ANKS1B: variants seen among roughly 807,000 people sequenced by gnomAD.
The protein encoded by ANKS1B is ankyrin repeat and sterile alpha motif domain containing 1B.
In ANKS1B, 36 loss-of-function variants were observed where a neutral mutation model predicts 148.3. The observed-to-expected ratio is 0.24, with a 90% CI of 0.19 to 0.32. The LOEUF (loss-of-function observed/expected upper bound fraction) is 0.32. Among genes scored for constraint, ANKS1B ranks in the 10% least tolerant of loss-of-function variants. The pLI is 1.00. For synonymous variants in ANKS1B, 542 were observed against 560.8 expected (o/e 0.97, Z 0.47); for missense variants, 1,157 against 1,542.6 (o/e 0.75, Z 4.19).
chr12:99,937,191 G>A (rs537539447), intron 1 of ANKS1B, among the ~76,000 whole-genome samples: 1 of 152,260 alleles, frequency 6.6e-6, no homozygotes, highest in African/African-American at 2.4e-5. Context: ...AGTGTTGATG[G>A]TGTATTCTTG....
chr12:99,596,442 A>G (rs1369277555), intron 9 of ANKS1B, among the ~76,000 whole-genome samples: 1 of 151,778 alleles, frequency 6.6e-6, no homozygotes, highest in Non-Finnish European at 1.5e-5. Flanking sequence ...TGGATTTAGA[A>G]CCCATCCTAC....
chr12:99,582,507 C>T (rs2097580555), intron 9 of ANKS1B, among the ~76,000 whole-genome samples: 1 of 152,092 alleles, frequency 6.6e-6, no homozygotes, highest in African/African-American at 2.4e-5. Context: ...TAATGCTACT[C>T]AGCAATGAAA....
At chr12:99,719,426 T>C (rs961977964) in intron 8 of ANKS1B, among the ~76,000 whole-genome samples, 4 of 151,982 alleles carry the variant, frequency 2.6e-5, no homozygotes, top group East Asian at 1.9e-4. Context: ...TGACATTCAC[T>C]CCATTTTCCC....
chr12:98,868,401 C>T (rs563857390), intron 17 of ANKS1B, among the ~76,000 whole-genome samples: 42 of 152,232 alleles, frequency 2.8e-4, no homozygotes, highest in African/African-American at 9.6e-4. Context: ...TGCAGAGACA[C>T]GGTTTCAAAA....
At chr12:99,913,044 T>G (rs971002872) in intron 1 of ANKS1B, among the ~76,000 whole-genome samples, 1 of 152,210 alleles carries the variant, frequency 6.6e-6, no homozygotes, top group Non-Finnish European at 1.5e-5. Flanking sequence ...TGCCAGCTAT[T>G]ATTCACGAGC....
chr12:99,064,473 G>A (rs1276521875), intron 16 of ANKS1B, among the ~76,000 whole-genome samples: 1 of 152,164 alleles, frequency 6.6e-6, no homozygotes, highest in Non-Finnish European at 1.5e-5. Flanking sequence ...TCAGGGATAG[G>A]GGCACGCCCT....
intron 14 of ANKS1B, among the ~76,000 whole-genome samples, chr12:99,218,775 G>A (rs898436570): frequency 2.0e-5 from 3 of 152,122 alleles, no homozygotes; most frequent in Non-Finnish European, 4.4e-5. Context: ...AGGATTACAT[G>A]AACTAATAGT....
In ANKS1B at chr12:99,772,839, C is replaced by T. The variant is rs2063327664; in HGVS notation, c.1128+83G>A. 17 of 1,316,934 alleles carry T rather than the reference C, an allele frequency of 1.3e-5. No homozygotes were observed. The South Asian group carries it at 2.8e-4, about 22-fold the overall frequency. 81.6% of individuals were successfully genotyped at this position (1,316,934 alleles called of 1,614,324 possible). On this transcript the variant is annotated intron_variant, in intron 8 of 26. Transcript: ENST00000683438. ...CTTAGAGTGGCGGAATCTGATAATG[C>T]ACCACATCCCATACCTCTTAAGTGT...
intron 12 of ANKS1B, among the ~76,000 whole-genome samples, chr12:99,312,543 C>T (rs1021942538): frequency 6.6e-6 from 1 of 152,036 alleles, no homozygotes; most frequent in Non-Finnish European, 1.5e-5. Context: ...ACGACATAGA[C>T]CAAGTATATA....
At chr12:99,441,420 A>T (rs2095548064) in intron 11 of ANKS1B, among the ~76,000 whole-genome samples, 1 of 151,860 alleles carries the variant, frequency 6.6e-6, no homozygotes, top group Non-Finnish European at 1.5e-5. Flanking sequence ...AAGTATTTCC[A>T]TGTGAATATA....
chr12:99,930,389 A>G (rs1423058519), intron 1 of ANKS1B, among the ~76,000 whole-genome samples: 1 of 152,162 alleles, frequency 6.6e-6, no homozygotes, highest in Non-Finnish European at 1.5e-5. Flanking sequence ...CAGCTTGAGG[A>G]GATTTTGGGC....
At position 99,416,031 on chromosome 12, in the gene ANKS1B, A is replaced by G. The variant is rs567979800; in HGVS notation, c.1576-16220T>C. Among the ~76,000 whole-genome samples the G allele has an allele frequency of 3.9e-5, 6 of 152,016 alleles. No homozygotes were observed. In the East Asian group the frequency reaches 1.2e-3, roughly 29 times the overall value. On this transcript the variant is annotated intron_variant, in intron 11 of 26. Coordinates refer to ENST00000683438, the MANE Select transcript of ANKS1B (RefSeq NM_001352186.2). ...TCACTTCTCTCCTGCCCCCACCTCC[A>G]CCTTAACTCCTGGTAACTACCGATC... is the stretch of plus-strand genomic sequence containing the variant.
At chr12:98,952,261 G>C (rs1284996793) in intron 17 of ANKS1B, among the ~76,000 whole-genome samples, 1 of 152,186 alleles carries the variant, frequency 6.6e-6, no homozygotes, top group African/African-American at 2.4e-5. Context: ...TGAGGTGAGA[G>C]GTTAAAGTGG....
chr12:99,607,064 T>C (rs945815498), intron 9 of ANKS1B, among the ~76,000 whole-genome samples: 2 of 152,088 alleles, frequency 1.3e-5, no homozygotes, highest in Non-Finnish European at 2.9e-5. Context: ...CCTGGAGTAC[T>C]TGACTGCTCC....
rs140332741 is a variant in ANKS1B at position 98,945,848 on chromosome 12, C to T, written c.2778+107309G>A. On this transcript the variant is annotated intron_variant, in intron 17 of 26. Transcript: ENST00000683438. ...GCTACTGAATTCAGCACTTCACCATCGGCAAAATCAATGGAGATGCTTCCA... is the reference window on the plus strand; with the variant it reads ...GCTACTGAATTCAGCACTTCACCATTGGCAAAATCAATGGAGATGCTTCCA... Among the ~76,000 whole-genome samples the T allele has an allele frequency of 1.1e-4, 16 of 152,308 alleles. No individual in the cohort carries two copies. In the East Asian group the frequency reaches 2.5e-3, roughly 24 times the overall value.
chr12:99,984,072 G>C lies in ANKS1B; in HGVS notation c.134+32C>G, dbSNP rs757051918. ...TATCCATCACAATGCATAATGAGGTGTGCCAACCCCGGAGCTGGTGCCCGT... is the reference window on the plus strand; with the variant it reads ...TATCCATCACAATGCATAATGAGGTCTGCCAACCCCGGAGCTGGTGCCCGT... On this transcript the variant is annotated intron_variant, in intron 1 of 26. Transcript: ENST00000683438. 2.5e-6 allele frequency: 4 copies of C among 1,589,768 alleles called. No homozygotes were observed. The East Asian group carries it at 9.0e-5, about 36-fold the overall frequency.
At chr12:99,818,427 C>T (rs2082131366) in intron 2 of ANKS1B, among the ~76,000 whole-genome samples, 1 of 151,676 alleles carries the variant, frequency 6.6e-6, no homozygotes, top group Non-Finnish European at 1.5e-5. Context: ...ACCTGGACCA[C>T]AATAACTTAT....
intron 17 of ANKS1B, among the ~76,000 whole-genome samples, chr12:98,947,730 C>T (rs975560850): frequency 1.3e-5 from 2 of 152,100 alleles, no homozygotes; most frequent in South Asian, 2.1e-4. Context: ...CAGGTAGGAC[C>T]GAAGTGATGA....
rs776296856 is a variant in ANKS1B, at chr12:99,154,541, A to G, written c.2420-146T>C. ...AGGAGCCCGCCAGCTTGACAGATTA[A>G]TGTTCTCAGCGAGAGAGCAAAGTCA... On this transcript the variant is annotated intron_variant, in intron 14 of 26. Transcript: ENST00000683438. The G allele has an allele frequency of 3.8e-6, 6 of 1,586,358 alleles. No homozygotes were observed. In the South Asian group the frequency reaches 6.9e-5, roughly 18 times the overall value.
Sources: allele counts gnomAD v4.1 joint callset (sites outside exome capture counted in the v4.1 genomes callset), GRCh38; gene constraint gnomAD v4.1.1; transcripts MANE v1.5; gene names NCBI Gene and HGNC (gene_info 2026-07-23, HGNC 2026-07-21).